The following TRIM68 variants were observed in gnomAD, a reference collection of about 807,000 sequenced individuals.
TRIM68 encodes E3 ubiquitin-protein ligase TRIM68.
In TRIM68, 36 loss-of-function variants were observed where a neutral mutation model predicts 41.9. That is an observed-to-expected ratio of 0.86 (90% CI 0.66 to 1.14). The LOEUF (loss-of-function observed/expected upper bound fraction) is 1.14. TRIM68 is among the 50% of genes most tolerant of loss of function. TRIM68 has a pLI of 0.00. For missense variants in TRIM68, 632 were observed against 605.1 expected, an observed-to-expected ratio of 1.04 and a Z score of -0.47; for synonymous variants, 225 against 224.6, an observed-to-expected ratio of 1.00 and a Z score of -0.02.
intron 4 of TRIM68, 72 bp from the exon 5 acceptor site, chr11:4,601,758 AGGGAGTTTC>A: frequency 6.4e-7 from 1 of 1,572,676 alleles, no homozygotes; most frequent in Non-Finnish European, 8.8e-7. Context: ...TCGAACTGGC[AGGGAGTTTC>A]TCTAGGGGAA....
Position 4,599,571 on chromosome 11 carries a change from G to C in TRIM68, c.*705C>G, listed in dbSNP as rs1018569464. The C allele has an allele frequency of 2.0e-4, 31 of 152,160 alleles. No homozygotes were observed. Among genetic ancestry groups the C allele is most frequent in the African/African-American group, 7.0e-4 (29 of 41,412 alleles). 9.4% of individuals were successfully genotyped at this position (152,160 alleles called of 1,614,324 possible). On this transcript the variant is annotated 3_prime_UTR_variant, in exon 7 of 7. Transcript: ENST00000300747. ...TCATAAAGTGAAAATACAAACTAAA[G>C]CTCGCAGGTTTTCTGATCCTGCCAC...
rs1846502520 is a variant in TRIM68 at position 4,602,253 on chromosome 11, C to G, written c.682G>C (p.Glu228Gln). The G allele has an allele frequency of 6.2e-7, 1 of 1,614,052 alleles. No individual in the cohort carries two copies. Among genetic ancestry groups the G allele is most frequent in the Non-Finnish European group, 8.5e-7 (1 of 1,180,036 alleles). The change falls in exon 4 of 7, where the codon GAG becomes CAG. Residue 228 changes from glutamate (E) to glutamine (Q), a missense_variant. Glu to Gln is a conservative substitution (Grantham distance 29, BLOSUM62 2). Transcript: ENST00000300747. ...TGGATGAGCTCGCTATGGTTCAACT[C>G]CAGTTTCTGCATGGTCTCCGCTGCC... ...REAAETMQKLELNHSELIQQS... is the reference protein window; with the variant it reads ...REAAETMQKLQLNHSELIQQS...
Position 4,606,540 on chromosome 11 carries a change from T to C in TRIM68, c.-57-979A>G, listed in dbSNP as rs1262157925. Reference sequence around the variant, plus strand: ...GTTGAATGAATTAACCAGCTAGACATAGGAAATAGTTCCTAAACCCAAAAT... The same window carrying C: ...GTTGAATGAATTAACCAGCTAGACACAGGAAATAGTTCCTAAACCCAAAAT... On this transcript the variant is annotated intron_variant, in intron 1 of 6. Coordinates refer to ENST00000300747, the MANE Select transcript of TRIM68 (RefSeq NM_018073.8). 3.3e-5 allele frequency among the ~76,000 whole-genome samples: 5 copies of C among 152,340 alleles called. No homozygotes were observed. The East Asian group carries it at 9.6e-4, about 29-fold the overall frequency.
In TRIM68 at chr11:4,605,359, T is replaced by C; in HGVS notation, c.146A>G (p.Glu49Gly). 6.2e-7 allele frequency: 1 copy of C among 1,614,196 alleles called. No individual in the cohort carries two copies. Among genetic ancestry groups the C allele is most frequent in the Non-Finnish European group, 8.5e-7 (1 of 1,180,040 alleles). The change falls in exon 2 of 7, where the codon GAA becomes GGA. Residue 49 changes from glutamate to glycine, a missense_variant. By Grantham distance (98) the Glu-to-Gly change is moderately conservative. Coordinates refer to ENST00000300747, the MANE Select transcript of TRIM68 (RefSeq NM_018073.8). Reference sequence around the variant, plus strand: ...ACAGGTGTAACCCCAGTTCTGGGATTCTCCTGGGATCTCCCAGAGTCCAGA... The same window carrying C: ...ACAGGTGTAACCCCAGTTCTGGGATCCTCCTGGGATCTCCCAGAGTCCAGA... ...CLSGLWEIPG[E>G]SQNWGYTCPL...
intron 3 of TRIM68, 120 bp from the exon 4 acceptor site, chr11:4,602,532 G>A: frequency 1.5e-6 from 2 of 1,323,950 alleles, no homozygotes; most frequent in Non-Finnish European, 2.1e-6. Context: ...CTATGCAGGG[G>A]CAAAGATAAA....
chr11:4,601,008 C>A lies in TRIM68; in HGVS notation c.907+19G>T, dbSNP rs1488710412. 1.2e-6 allele frequency: 2 copies of A among 1,611,874 alleles called. No individual in the cohort carries two copies. Among genetic ancestry groups the A allele is most frequent in the Admixed American group, 1.7e-5 (1 of 60,020 alleles). The stretch of plus-strand genomic sequence containing the variant: ...GGTCCCTCCCACTGTCCACTACAGT[C>A]TCCCCCAGGATCCATTACCTGCATA... On this transcript the variant is annotated intron_variant, in intron 6 of 6. Coordinates refer to ENST00000300747, the MANE Select transcript of TRIM68 (RefSeq NM_018073.8).
chr11:4,605,695 T>A, intron 1 of TRIM68, 134 bp from the exon 2 acceptor site: 1 of 622,090 alleles, frequency 1.6e-6, no homozygotes, highest in South Asian at 2.1e-5. Flanking sequence ...TTAATAAGCA[T>A]TGGCCTTTCC....
chr11:4,600,096 A>T lies in TRIM68; in HGVS notation c.*180T>A. ...TCATTTGACTGGGCCTCTGCTTTTT[A>T]AAATAAGTGGTTTCATGACAGACTT... On this transcript the variant is annotated 3_prime_UTR_variant, in exon 7 of 7. Transcript: ENST00000300747. The T allele has an allele frequency of 1.7e-6, 1 of 599,874 alleles. No homozygotes were observed. Among genetic ancestry groups the T allele is most frequent in the Non-Finnish European group, 2.8e-6 (1 of 360,476 alleles). The allele number at this position is 599,874 out of a possible 1,614,324, so 37.2% of individuals were successfully genotyped here.
At position 4,605,689 on chromosome 11, in the gene TRIM68, T is replaced by C. The variant is rs1846559580; in HGVS notation, c.-57-128A>G. 3 of 635,336 alleles carry C rather than the reference T, an allele frequency of 4.7e-6. No homozygotes were observed. The Admixed American group carries it at 8.9e-5, about 19-fold the overall frequency. The allele number at this position is 635,336 out of a possible 1,614,324, so 39.4% of individuals were successfully genotyped here. A position where few individuals can be genotyped will look rare whatever the true frequency, so the allele number is the denominator to read the frequency against. ...TTGACCCTTTACTGACCTTCTTTAATAAGCATTGGCCTTTCCAACTGAAGG... is the reference window on the plus strand; with the variant it reads ...TTGACCCTTTACTGACCTTCTTTAACAAGCATTGGCCTTTCCAACTGAAGG... On this transcript the variant is annotated intron_variant, in intron 1 of 6. Coordinates refer to ENST00000300747, the MANE Select transcript of TRIM68 (RefSeq NM_018073.8).
chr11:4,603,803 G>T (rs912015029), intron 2 of TRIM68, among the ~76,000 whole-genome samples: 14 of 152,104 alleles, frequency 9.2e-5, no homozygotes, highest in African/African-American at 3.4e-4. Flanking sequence ...GATCTCCCAG[G>T]TGGTTCATAT....
Position 4,607,947 on chromosome 11 carries a change from G to A in TRIM68, c.-58+80C>T, listed in dbSNP as rs185387310. 293 of 152,544 alleles carry A rather than the reference G, an allele frequency of 1.9e-3. 2 individuals are homozygous for A. The highest frequency in any genetic ancestry group is 3.0e-3 in the Non-Finnish European group (202 of 68,196). The allele number at this position is 152,544 out of a possible 1,614,324, so 9.4% of individuals were successfully genotyped here. A position where few individuals can be genotyped will look rare whatever the true frequency, so the allele number is the denominator to read the frequency against. ...TGGCCTGGCCACAGGGCGTTGGGCA[G>A]GTCCCCAGGACAGCGGGCGGGTGGG... On this transcript the variant is annotated intron_variant, in intron 1 of 6. Transcript: ENST00000300747.
In TRIM68 at chr11:4,600,684, G is replaced by A. The variant is rs750005291; in HGVS notation, c.1050C>T (p.Ser350=). 2.8e-5 allele frequency: 45 copies of A among 1,614,030 alleles called. No homozygotes were observed. The highest frequency in any genetic ancestry group is 6.7e-5 in the Admixed American group (4 of 59,998). Residue 350 remains serine (S), a synonymous_variant, in exon 7 of 7, where the codon AGC becomes AGT. Coordinates refer to ENST00000300747, the MANE Select transcript of TRIM68 (RefSeq NM_018073.8). ...AGTGCCGGCCTGAGGAGATGCACTG[G>A]CTTCCCAGGACGATATTATAGCGGT... is the stretch of plus-strand genomic sequence containing the variant. The part of the protein sequence containing the change: ...RFYRYNIVLG[S]QCISSGRHYW...
chr11:4,602,455 C>T, intron 3 of TRIM68, 43 bp from the exon 4 acceptor site: 4 of 1,605,632 alleles, frequency 2.5e-6, no homozygotes, highest in Non-Finnish European at 3.4e-6. Context: ...CTTTCAGTCA[C>T]CCAGTATCGA....
chr11:4,602,493 C>T, intron 3 of TRIM68, 81 bp from the exon 4 acceptor site: 6 of 1,547,972 alleles, frequency 3.9e-6, no homozygotes, highest in Non-Finnish European at 5.3e-6. Context: ...TACACACATA[C>T]TCTGCAATGG....
chr11:4,606,743 G>A (rs1203046658), intron 1 of TRIM68, among the ~76,000 whole-genome samples: 1 of 152,174 alleles, frequency 6.6e-6, no homozygotes, highest in Non-Finnish European at 1.5e-5. Context: ...TGTTTGGCTT[G>A]GGGCTCTGCC....
Position 4,601,116 on chromosome 11 carries a change from C to T in TRIM68, c.818G>A (p.Trp273Ter). The T allele has an allele frequency of 6.2e-7, 1 of 1,614,096 alleles. No individual in the cohort carries two copies. The highest frequency in any genetic ancestry group is 8.5e-7 in the Non-Finnish European group (1 of 1,179,954). The stretch of plus-strand genomic sequence containing the variant: ...GATTGGTTCTGGCTGCTGCAAGCTC[C>T]AAGATTTGCTCCTGGTAGAGGAGGG... Reference protein sequence around the residue: ...IQEVLNRSKSWSLQQPEPISL... With the variant: ...IQEVLNRSKS The change falls in exon 6 of 7, where the codon TGG becomes TAG. Residue 273 changes from tryptophan (W) to a stop codon, truncating the protein, a stop_gained. Coordinates refer to ENST00000300747, the MANE Select transcript of TRIM68 (RefSeq NM_018073.8). LOFTEE classifies it high-confidence loss of function.
In TRIM68 at chr11:4,605,462, C is replaced by A; in HGVS notation, c.43G>T (p.Ala15Ser). ...ALVEAIVEEVACPICMTFLRE... is the reference protein window; with the variant it reads ...ALVEAIVEEVSCPICMTFLRE... ...AGGAAGGTCATACAGATGGGACAGG[C>A]CACTTCTTCCACAATGGCTTCCACC... Residue 15 changes from alanine (A) to serine (S), a missense_variant, in exon 2 of 7, where the codon GCC (alanine) becomes TCC (serine). By Grantham distance (99) the Ala-to-Ser change is moderately conservative. Coordinates refer to ENST00000300747, the MANE Select transcript of TRIM68 (RefSeq NM_018073.8). 1 of 1,612,436 alleles carries A rather than the reference C, an allele frequency of 6.2e-7. No individual in the cohort carries two copies.
chr11:4,601,607 G>T, intron 5 of TRIM68, 57 bp downstream of exon 5: 1 of 1,600,010 alleles, frequency 6.2e-7, no homozygotes. Flanking sequence ...TCTGGCTCTA[G>T]TTAGGCCTCA....
chr11:4,601,006 G>A (rs1278210818), intron 6 of TRIM68, 21 bp downstream of exon 6: 6 of 1,610,258 alleles, frequency 3.7e-6, no homozygotes, highest in Non-Finnish European at 5.1e-6. Flanking sequence ...GTCCACTACA[G>A]TCTCCCCCAG....
Sources: allele counts gnomAD v4.1 joint callset (sites outside exome capture counted in the v4.1 genomes callset), GRCh38; gene constraint gnomAD v4.1.1; transcripts MANE v1.5; gene names NCBI Gene and HGNC (gene_info 2026-07-23, HGNC 2026-07-21).